SSH2: variants seen among roughly 807,000 people sequenced by gnomAD.
The protein encoded by SSH2 is protein phosphatase Slingshot homolog 2.
SSH2 carries 37 observed loss-of-function variants against 135.2 expected under a neutral mutation model. The observed-to-expected ratio is 0.27, with a 90% confidence interval of 0.21 to 0.36. The LOEUF is 0.36. Ranked by LOEUF, SSH2 falls within the 10% of genes least tolerant of loss-of-function variation. The pLI is 1.00. For missense variants in SSH2, 1,408 were observed against 1,765.3 expected, an observed-to-expected ratio of 0.80 and a Z score of 3.63; for synonymous variants, 628 against 646.2, an observed-to-expected ratio of 0.97 and a Z score of 0.43.
At chr17:29,882,164 G>A (rs56216220) in intron 1 of SSH2, among the ~76,000 whole-genome samples, 59,806 of 152,068 alleles carry the variant, frequency 0.39, 14,217 homozygotes, top group East Asian at 0.69. Context: ...ACTCACTGAT[G>A]TCTGGAGCAT....
chr17:29,707,113 A>C (rs1201415397), intron 3 of SSH2: 2 of 151,272 alleles, frequency 1.3e-5, no homozygotes. Flanking sequence ...AGATTGCGCC[A>C]CTGCACTCCC....
At chr17:29,916,366 C>G (rs1260349270) in intron 1 of SSH2, among the ~76,000 whole-genome samples, 2 of 152,100 alleles carry the variant, frequency 1.3e-5, no homozygotes, top group Non-Finnish European at 2.9e-5. Flanking sequence ...AGTGACTTGT[C>G]TAAGTCTAGC....
intron 3 of SSH2, chr17:29,761,414 C>G: frequency 9.5e-7 from 1 of 1,053,830 alleles, no homozygotes; most frequent in Non-Finnish European, 1.1e-6. Context: ...CCCCAGGGCT[C>G]GGCGGTAGAG....
chr17:29,883,900 A>T (rs1320345687), intron 1 of SSH2, among the ~76,000 whole-genome samples: 1 of 152,138 alleles, frequency 6.6e-6, no homozygotes, highest in African/African-American at 2.4e-5. Context: ...GCATTCCTCC[A>T]TCTAGATATA....
intron 12 of SSH2, among the ~76,000 whole-genome samples, chr17:29,654,187 C>T (rs1302858170): frequency 6.6e-6 from 1 of 152,178 alleles, no homozygotes; most frequent in African/African-American, 2.4e-5. Flanking sequence ...CATTCATTCA[C>T]ATTTACTGAG....
Position 29,632,885 on chromosome 17 carries a change from G to C in SSH2, c.2309C>G (p.Ser770Trp). ...TTCTTTGACTGAAATTGCATTTTCC[G>C]AGTGAGACTGCATGAAGATGTCTGG... ...VSPDIFMQSH[S>W]ENAISVKEIV... Residue 770 changes from serine to tryptophan, a missense_variant, in exon 16 of 16, where the codon TCG (serine) becomes TGG (tryptophan). Physicochemically the swap from Ser to Trp is radical, Grantham distance 177. Transcript: ENST00000540801. 1.2e-6 allele frequency: 2 copies of C among 1,613,646 alleles called. No individual in the cohort carries two copies. Among genetic ancestry groups the C allele is most frequent in the South Asian group, 2.2e-5 (2 of 91,040 alleles).
In SSH2 at chr17:29,901,370, A is replaced by G. The variant is rs117620000; in HGVS notation, c.63+28568T>C. Among the ~76,000 whole-genome samples, 570 of 152,306 alleles carry G rather than the reference A, an allele frequency of 3.7e-3. 12 individuals carry two copies. Among genetic ancestry groups the G allele is most frequent in the Admixed American group, 0.031 (469 of 15,288 alleles). On this transcript the variant is annotated intron_variant, in intron 1 of 15. Coordinates refer to ENST00000540801, the MANE Select transcript of SSH2 (RefSeq NM_001282129.2). Reference sequence around the variant, plus strand: ...ATAAAATTCAATCACTATCAAGATAAATTCCTGTTTCTAAACAAGTGACAA... The same window carrying G: ...ATAAAATTCAATCACTATCAAGATAGATTCCTGTTTCTAAACAAGTGACAA...
At chr17:29,893,831 T>C (rs1417532917) in intron 1 of SSH2, among the ~76,000 whole-genome samples, 1 of 152,166 alleles carries the variant, frequency 6.6e-6, no homozygotes, top group Non-Finnish European at 1.5e-5. Flanking sequence ...TTCTTGACTA[T>C]TAAATTCTTC....
chr17:29,728,991 T>C (rs921820564), intron 3 of SSH2, among the ~76,000 whole-genome samples: 1 of 152,162 alleles, frequency 6.6e-6, no homozygotes, highest in East Asian at 1.9e-4. Flanking sequence ...TGGGCAAATA[T>C]TTCTTGAGTA....
At chr17:29,867,008 AT>A (rs779818763) in intron 1 of SSH2, among the ~76,000 whole-genome samples, 245 of 137,914 alleles carry the variant, frequency 1.8e-3, no homozygotes, top group Non-Finnish European at 1.7e-3. Context: ...TAATTTTTTG[AT>A]TTTTTTTTTT....
chr17:29,929,222 A>C (rs1211760999), intron 1 of SSH2: 1 of 152,254 alleles, frequency 6.6e-6, no homozygotes, highest in Non-Finnish European at 1.5e-5. Context: ...CCTTAGAACA[A>C]GAATGATCAC....
intron 2 of SSH2, among the ~76,000 whole-genome samples, chr17:29,809,426 A>G (rs959235634): frequency 6.6e-6 from 1 of 152,168 alleles, no homozygotes. Flanking sequence ...CTTCAACTGC[A>G]GGTGAATTTT....
intron 1 of SSH2, 57 bp downstream of exon 1, chr17:29,929,881 G>A (rs2151498976): frequency 6.7e-7 from 1 of 1,502,686 alleles, no homozygotes; most frequent in South Asian, 1.2e-5. Flanking sequence ...GACCCGCTGA[G>A]GCAAAGCGGA....
intron 1 of SSH2, among the ~76,000 whole-genome samples, chr17:29,887,072 G>T (rs1026702945): frequency 6.6e-6 from 1 of 152,086 alleles, no homozygotes; most frequent in African/African-American, 2.4e-5. Flanking sequence ...CCAGATGAAT[G>T]GCTCTCCTAT....
intron 3 of SSH2, among the ~76,000 whole-genome samples, chr17:29,726,935 A>G (rs934315741): frequency 1.3e-5 from 2 of 152,154 alleles, no homozygotes; most frequent in African/African-American, 4.8e-5. Flanking sequence ...TGGATATCAA[A>G]TCTCCCTTAA....
chr17:29,881,279 T>C (rs1483507183), intron 1 of SSH2, among the ~76,000 whole-genome samples: 1 of 152,192 alleles, frequency 6.6e-6, no homozygotes, highest in Non-Finnish European at 1.5e-5. Context: ...ATTGAAGATT[T>C]CCCAAACCTC....
At position 29,728,404 on chromosome 17, in the gene SSH2, G is replaced by A. The variant is rs77445267; in HGVS notation, c.189-25342C>T. 2.2e-3 allele frequency among the ~76,000 whole-genome samples: 327 copies of A among 152,010 alleles called. 1 individual carries two copies. Among genetic ancestry groups the A allele is most frequent in the African/African-American group, 7.8e-3 (322 of 41,504 alleles). ...CACACAGGTGAAAGAAATTGAAGAC[G>A]ACACCAAAAAAGGAAAACATATTCC... On this transcript the variant is annotated intron_variant, in intron 3 of 15. Coordinates refer to ENST00000540801, the MANE Select transcript of SSH2 (RefSeq NM_001282129.2).
chr17:29,664,059 A>C (rs1306927415), intron 11 of SSH2, among the ~76,000 whole-genome samples: 1 of 152,238 alleles, frequency 6.6e-6, no homozygotes, highest in Non-Finnish European at 1.5e-5. Context: ...TATACACAAA[A>C]ATATATATGT....
intron 2 of SSH2, among the ~76,000 whole-genome samples, chr17:29,816,448 G>A (rs1233712565): frequency 2.0e-5 from 3 of 152,082 alleles, no homozygotes; most frequent in East Asian, 3.8e-4. Flanking sequence ...ATTTCTTGTG[G>A]AAAGATTTGA....
Sources: allele counts gnomAD v4.1 joint callset (sites outside exome capture counted in the v4.1 genomes callset), GRCh38; gene constraint gnomAD v4.1.1; transcripts MANE v1.5; gene names NCBI Gene and HGNC (gene_info 2026-07-23, HGNC 2026-07-21).